Variants in CYP7B1 observed in about 807,000 individuals in gnomAD.
The protein encoded by CYP7B1 is cytochrome P450 7B1.
In CYP7B1, 29 loss-of-function variants were observed where a neutral mutation model predicts 42.7. The observed-to-expected ratio is 0.68, with a 90% CI of 0.51 to 0.93. The LOEUF (loss-of-function observed/expected upper bound fraction) is 0.93. CYP7B1 is among the 40% of genes least tolerant of loss of function. The probability of loss-of-function intolerance (pLI) is 0.00; values close to 1 mark genes in which losing one functional copy is unlikely to be tolerated. For missense variants in CYP7B1, 655 were observed against 600.5 expected (o/e 1.09, Z -0.95); for synonymous variants, 235 against 218.2 (o/e 1.08, Z -0.68).
rs1341661668 is a variant in CYP7B1, at chr8:64,784,536, T to C, written c.122+13930A>G. Among the ~76,000 whole-genome samples the C allele has an allele frequency of 2.0e-5, 3 of 152,296 alleles. No homozygotes were observed. In the East Asian group the frequency reaches 5.8e-4, roughly 29 times the overall value. ...AAAGTCTCAGTATAACTACCATATA[T>C]CAAGCACCTAGTATGTATCTGGTAC... On this transcript the variant is annotated intron_variant, in intron 1 of 5. Coordinates refer to ENST00000310193, the MANE Select transcript of CYP7B1 (RefSeq NM_004820.5).
chr8:64,720,955 A>C (rs1807226552), intron 1 of CYP7B1, among the ~76,000 whole-genome samples: 1 of 152,040 alleles, frequency 6.6e-6, no homozygotes, highest in African/African-American at 2.4e-5. Context: ...AAAACCTATC[A>C]GAAATTGAAT....
intron 1 of CYP7B1, among the ~76,000 whole-genome samples, chr8:64,793,963 CA>C (rs56265041): frequency 1.0e-4 from 15 of 143,364 alleles, no homozygotes; most frequent in African/African-American, 7.9e-5. Flanking sequence ...AAATACGAAA[CA>C]AAAAAAAAAA....
At chr8:64,759,763 G>A (rs959732326) in intron 1 of CYP7B1, among the ~76,000 whole-genome samples, 14 of 152,252 alleles carry the variant, frequency 9.2e-5, no homozygotes, top group Middle Eastern at 3.4e-3. Context: ...TAATTAGTGA[G>A]AAAGATATTG....
chr8:64,649,792 G>T (rs182828868), intron 1 of CYP7B1, among the ~76,000 whole-genome samples: 1 of 152,196 alleles, frequency 6.6e-6, no homozygotes, highest in Non-Finnish European at 1.5e-5. Context: ...GTTTTGATTT[G>T]CATTTACCTA....
At chr8:64,777,517 T>C (rs770669569) in intron 1 of CYP7B1, among the ~76,000 whole-genome samples, 4 of 152,098 alleles carry the variant, frequency 2.6e-5, no homozygotes, top group Admixed American at 2.0e-4. Context: ...TAGCAAAATA[T>C]GGCATATCAT....
At chr8:64,727,805 G>A in intron 1 of CYP7B1, 1 of 152,004 alleles carries the variant, frequency 6.6e-6, no homozygotes, top group African/African-American at 2.4e-5. Flanking sequence ...GAACTCCAAT[G>A]GTATCTTCTA....
At chr8:64,638,976 T>C (rs1444544140) in intron 1 of CYP7B1, among the ~76,000 whole-genome samples, 1 of 152,094 alleles carries the variant, frequency 6.6e-6, no homozygotes, top group Non-Finnish European at 1.5e-5. Context: ...CACAGTAGAA[T>C]AGGAAGCATT....
At position 64,643,076 on chromosome 8, in the gene CYP7B1, T is replaced by C. The variant is rs2129631017; in HGVS notation, c.123-18537A>G. On this transcript the variant is annotated intron_variant, in intron 1 of 5. Coordinates refer to ENST00000310193, the MANE Select transcript of CYP7B1 (RefSeq NM_004820.5). ...AGAATAAAAGAATCAATAGGATGTG[T>C]GTGTGTGTGTGTATATATATACACA... is the stretch of plus-strand genomic sequence containing the variant. 4.2e-5 allele frequency among the ~76,000 whole-genome samples: 2 copies of C among 47,108 alleles called. 1 individual carries two copies. Among genetic ancestry groups the C allele is most frequent in the South Asian group, 8.2e-4 (2 of 2,450 alleles). The allele number at this position is 47,108 out of a possible 152,430, so 30.9% of individuals were successfully genotyped here.
At chr8:64,763,583 A>T (rs749387819) in intron 1 of CYP7B1, among the ~76,000 whole-genome samples, 1 of 152,182 alleles carries the variant, frequency 6.6e-6, no homozygotes, top group Non-Finnish European at 1.5e-5. Context: ...TGGCCGGTTA[A>T]AAACAATTAG....
At chr8:64,713,967 T>C (rs1807118171) in intron 1 of CYP7B1, among the ~76,000 whole-genome samples, 1 of 152,208 alleles carries the variant, frequency 6.6e-6, no homozygotes, top group Admixed American at 6.5e-5. Context: ...GCTTTGCAGG[T>C]AGTAACTCAT....
intron 1 of CYP7B1, chr8:64,728,899 C>T (rs1807366418): frequency 6.6e-6 from 1 of 152,218 alleles, no homozygotes; most frequent in East Asian, 1.9e-4. Context: ...TGGCTCACAC[C>T]TATAATCCCA....
intron 1 of CYP7B1, among the ~76,000 whole-genome samples, chr8:64,761,697 A>T (rs1807893710): frequency 6.6e-6 from 1 of 152,122 alleles, no homozygotes; most frequent in Non-Finnish European, 1.5e-5. Context: ...TGACCACCTA[A>T]AGACCTACTT....
At chr8:64,705,610 T>C (rs553494562) in intron 1 of CYP7B1, among the ~76,000 whole-genome samples, 28 of 151,996 alleles carry the variant, frequency 1.8e-4, no homozygotes, top group African/African-American at 6.3e-4. Context: ...AGGGGAGTAA[T>C]AGAATTACTT....
chr8:64,745,511 T>C (rs907099373), intron 1 of CYP7B1, among the ~76,000 whole-genome samples: 5 of 152,202 alleles, frequency 3.3e-5, no homozygotes, highest in Non-Finnish European at 7.3e-5. Context: ...AAAGCTTTAA[T>C]ATAAAAATAG....
intron 1 of CYP7B1, among the ~76,000 whole-genome samples, chr8:64,690,184 G>A (rs1222443434): frequency 1.3e-5 from 2 of 152,120 alleles, no homozygotes; most frequent in Non-Finnish European, 2.9e-5. Context: ...CATCGCTTGA[G>A]CCCAAAGGTA....
chr8:64,651,609 G>A (rs183736160), intron 1 of CYP7B1, among the ~76,000 whole-genome samples: 3 of 152,302 alleles, frequency 2.0e-5, no homozygotes, highest in Admixed American at 6.5e-5. Flanking sequence ...ATTTGGGGGT[G>A]AGGCCTTTGG....
intron 1 of CYP7B1, among the ~76,000 whole-genome samples, chr8:64,772,488 C>T (rs534206820): frequency 1.1e-4 from 16 of 152,272 alleles, no homozygotes; most frequent in East Asian, 1.9e-4. Context: ...CTTGAACTGC[C>T]GCACTAACTC....
chr8:64,599,225 G>T (rs549029711), intron 5 of CYP7B1, among the ~76,000 whole-genome samples: 1 of 151,998 alleles, frequency 6.6e-6, no homozygotes, highest in South Asian at 2.1e-4. Flanking sequence ...GTCTCGCTCT[G>T]TCGCCCAGGT....
At chr8:64,685,807 T>C (rs868201104) in intron 1 of CYP7B1, among the ~76,000 whole-genome samples, 1 of 33,266 alleles carries the variant, frequency 3.0e-5, no homozygotes. Context: ...CGGCCAGCCG[T>C]GCCATCCGGG....
Sources: allele counts gnomAD v4.1 joint callset (sites outside exome capture counted in the v4.1 genomes callset), GRCh38; gene constraint gnomAD v4.1.1; transcripts MANE v1.5; gene names NCBI Gene and HGNC (gene_info 2026-07-23, HGNC 2026-07-21).